KLHL32: variants seen among roughly 807,000 people sequenced by gnomAD.
The protein encoded by KLHL32 is kelch-like protein 32.
In KLHL32, 35 loss-of-function variants were observed where a neutral mutation model predicts 64.8. The ratio of observed to expected loss-of-function variants is 0.54; its 90% CI spans 0.41 to 0.72. The LOEUF is 0.72. Ranked by LOEUF, KLHL32 falls within the 30% of genes least tolerant of loss-of-function variation. The pLI is 0.00. For synonymous variants in KLHL32, 259 were observed against 281.0 expected (o/e 0.92, Z 0.78); for missense variants, 589 against 768.5 (o/e 0.77, Z 2.76).
chr6:97,125,059 G>A (rs1045991168), intron 7 of KLHL32, among the ~76,000 whole-genome samples: 1 of 152,148 alleles, frequency 6.6e-6, no homozygotes, highest in African/African-American at 2.4e-5. Context: ...TTCTTTGAGG[G>A]CAGGAGGCTC....
chr6:96,920,118 C>A (rs1025946266), upstream of KLHL32, among the ~76,000 whole-genome samples: 19 of 152,130 alleles, frequency 1.2e-4, no homozygotes, highest in African/African-American at 4.3e-4. Context: ...ACTGGATAGG[C>A]TTCCCTGGGC....
rs1403036274 is a variant in KLHL32 at position 97,139,865 on chromosome 6, G to C, written c.*583G>C. On this transcript the variant is annotated 3_prime_UTR_variant, in exon 11 of 11. Coordinates refer to ENST00000369261, the MANE Select transcript of KLHL32 (RefSeq NM_052904.4). ...TTGAAATACCCAGATTTTTCACCTT[G>C]GTTACTCTGACCTTGGGTCAGAACC... 1 of 152,042 alleles carries C rather than the reference G, an allele frequency of 6.6e-6. No individual in the cohort carries two copies. The highest frequency in any genetic ancestry group is 1.9e-4 in the East Asian group (1 of 5,192). 9.4% of individuals were successfully genotyped at this position (152,042 alleles called of 1,614,324 possible).
chr6:96,907,847 CTCAAA>C, the KLHL32 span, among the ~76,000 whole-genome samples: 1 of 152,198 alleles, frequency 6.6e-6, no homozygotes, highest in African/African-American at 2.4e-5. Context: ...AACTCCACCC[CTCAAA>C]TCAAAGTTCT....
chr6:97,118,071 T>A (rs1044774277), intron 7 of KLHL32, among the ~76,000 whole-genome samples: 1 of 152,178 alleles, frequency 6.6e-6, no homozygotes, highest in Admixed American at 6.5e-5. Context: ...GGCAATCAAA[T>A]AATTTTTCAG....
At chr6:97,088,259 G>A (rs1283425290) in intron 6 of KLHL32, among the ~76,000 whole-genome samples, 2 of 152,054 alleles carry the variant, frequency 1.3e-5, no homozygotes, top group Non-Finnish European at 2.9e-5. Context: ...ATGTTTCAAG[G>A]CCAGCAATTT....
upstream of KLHL32, among the ~76,000 whole-genome samples, chr6:96,920,935 A>G (rs1768735510): frequency 6.6e-6 from 1 of 152,180 alleles, no homozygotes; most frequent in Non-Finnish European, 1.5e-5. Context: ...AAAAAGTATG[A>G]GCTTTTAAGA....
intron 4 of KLHL32, among the ~76,000 whole-genome samples, chr6:97,058,265 A>T (rs1212904274): frequency 6.6e-6 from 1 of 152,158 alleles, no homozygotes; most frequent in African/African-American, 2.4e-5. Context: ...TCTGTTTGTT[A>T]ATACACAAAA....
chr6:97,117,989 TGTAAA>T (rs952166045), intron 7 of KLHL32, among the ~76,000 whole-genome samples: 1 of 152,200 alleles, frequency 6.6e-6, no homozygotes, highest in African/African-American at 2.4e-5. Context: ...GCCACATCCT[TGTAAA>T]GTATAGTGCT....
the KLHL32 span, among the ~76,000 whole-genome samples, chr6:96,914,527 C>G: frequency 6.6e-6 from 1 of 152,094 alleles, no homozygotes; most frequent in Non-Finnish European, 1.5e-5. Flanking sequence ...CACTATCGCC[C>G]TTTTAGCAGA....
intron 3 of KLHL32, among the ~76,000 whole-genome samples, chr6:97,019,550 A>G (rs563997654): frequency 6.6e-6 from 1 of 152,344 alleles, no homozygotes; most frequent in South Asian, 2.1e-4. Context: ...CAATCCCTGA[A>G]AAGGCTGGCA....
At chr6:97,062,671 A>T (rs1271525924) in intron 4 of KLHL32, among the ~76,000 whole-genome samples, 2 of 152,222 alleles carry the variant, frequency 1.3e-5, no homozygotes, top group African/African-American at 2.4e-5. Context: ...TAACTTCATG[A>T]ATATTGAGCA....
At chr6:97,023,179 C>T (rs1269015114) in intron 3 of KLHL32, among the ~76,000 whole-genome samples, 1 of 152,182 alleles carries the variant, frequency 6.6e-6, no homozygotes, top group East Asian at 1.9e-4. Flanking sequence ...CAACTATATT[C>T]ATATATTACT....
At chr6:97,026,267 G>A (rs1005800910) in intron 3 of KLHL32, among the ~76,000 whole-genome samples, 4 of 152,022 alleles carry the variant, frequency 2.6e-5, no homozygotes, top group Non-Finnish European at 5.9e-5. Flanking sequence ...TGCAGAAAAA[G>A]TGAGCTTGAT....
intron 3 of KLHL32, among the ~76,000 whole-genome samples, chr6:97,003,291 GTCT>G (rs1253308369): frequency 5.9e-5 from 9 of 152,196 alleles, no homozygotes; most frequent in African/African-American, 2.2e-4. Flanking sequence ...CAGTATGTAT[GTCT>G]TCTTTTAGAA....
At chr6:97,127,158 A>G (rs1047950261) in intron 7 of KLHL32, among the ~76,000 whole-genome samples, 7 of 152,186 alleles carry the variant, frequency 4.6e-5, no homozygotes, top group Non-Finnish European at 1.0e-4. Context: ...GCTTGTCAGA[A>G]TTGGGGTCCT....
At chr6:97,115,097 C>A (rs1380819553) in intron 7 of KLHL32, among the ~76,000 whole-genome samples, 1 of 152,180 alleles carries the variant, frequency 6.6e-6, no homozygotes, top group Non-Finnish European at 1.5e-5. Context: ...CTCACTGCAA[C>A]CTCCACCTCT....
At chr6:96,935,162 T>C (rs1168694498) in intron 1 of KLHL32, among the ~76,000 whole-genome samples, 1 of 152,136 alleles carries the variant, frequency 6.6e-6, no homozygotes, top group South Asian at 2.1e-4. Context: ...AGAGAATTCA[T>C]TTTGTGGTGT....
chr6:97,078,412 T>C (rs571343306), intron 5 of KLHL32, among the ~76,000 whole-genome samples: 2 of 152,140 alleles, frequency 1.3e-5, no homozygotes, highest in Non-Finnish European at 2.9e-5. Flanking sequence ...GTGAAGTGCA[T>C]CAATAATTGG....
chr6:96,950,962 C>T (rs1041652423), intron 1 of KLHL32, among the ~76,000 whole-genome samples: 2 of 151,976 alleles, frequency 1.3e-5, no homozygotes, highest in African/African-American at 4.8e-5. Context: ...TTCTTAAACT[C>T]AAGAAAGCCT....
Sources: allele counts gnomAD v4.1 joint callset (sites outside exome capture counted in the v4.1 genomes callset), GRCh38; gene constraint gnomAD v4.1.1; transcripts MANE v1.5; gene names NCBI Gene and HGNC (gene_info 2026-07-23, HGNC 2026-07-21).